Variants in DGKZ observed in about 807,000 individuals in gnomAD.
DGKZ encodes DAG kinase zeta.
In DGKZ, 45 loss-of-function variants were observed where a neutral mutation model predicts 142.5. The observed-to-expected ratio is 0.32, with a 90% CI of 0.25 to 0.40. The LOEUF (loss-of-function observed/expected upper bound fraction) is 0.40, where lower values mean the gene tolerates loss of function less well. DGKZ is among the 10% of genes least tolerant of loss of function. The pLI is 1.00. For synonymous variants in DGKZ, 442 were observed against 527.0 expected, an observed-to-expected ratio of 0.84 and a Z score of 2.21; for missense variants, 755 against 1,306.5, an observed-to-expected ratio of 0.58 and a Z score of 6.51.
chr11:46,369,794 T>C (rs760190097), intron 5 of DGKZ, 147 bp from the exon 6 acceptor site: 7 of 954,540 alleles, frequency 7.3e-6, no homozygotes, highest in Non-Finnish European at 1.1e-5. Flanking sequence ...CCCCAGGCCA[T>C]GAAGAGAGTC....
At chr11:46,371,489 C>T (rs2136481664) in exon 8 of DGKZ, 3 of 1,603,474 alleles carry the variant, frequency 1.9e-6, no homozygotes, top group Middle Eastern at 3.3e-4. Flanking sequence ...CTCCTCAGTA[C>T]CACAGCAAGG....
chr11:46,363,118 A>C (rs1942853677), intron 1 of DGKZ, among the ~76,000 whole-genome samples: 1 of 152,208 alleles, frequency 6.6e-6, no homozygotes, highest in East Asian at 1.9e-4. Context: ...CGAGGTGAGA[A>C]GACACTGTCA....
In DGKZ at chr11:46,372,594, C is replaced by T. The variant is rs1244585199; in HGVS notation, c.1011-23C>T. On this transcript the variant is annotated intron_variant, in intron 11 of 30. Coordinates refer to ENST00000527911, the Ensembl canonical transcript of DGKZ. The surrounding 1 kb of genome is among the most constrained non-coding windows in gnomAD (Gnocchi z 5.9). ...GTACAGCACACATCCCCTGACCCCA[C>T]TGCCATCTTCCCATGAGCCCAGGCT... The T allele has an allele frequency of 4.3e-6, 7 of 1,613,762 alleles. No individual in the cohort carries two copies. Among genetic ancestry groups the T allele is most frequent in the Non-Finnish European group, 5.9e-6 (7 of 1,179,996 alleles).
At chr11:46,346,131 T>G (rs1463697722), upstream of DGKZ, among the ~76,000 whole-genome samples, 1 of 152,192 alleles carries the variant, frequency 6.6e-6, no homozygotes, top group Non-Finnish European at 1.5e-5. Context: ...GAGAGGGTTC[T>G]GGGCCTCGGG....
At chr11:46,351,588 T>G (rs1248883585) in intron 1 of DGKZ, among the ~76,000 whole-genome samples, 1 of 152,186 alleles carries the variant, frequency 6.6e-6, no homozygotes, top group African/African-American at 2.4e-5. Flanking sequence ...CTGTCTATGG[T>G]GCCAGGGTGT....
intron 22 of DGKZ, 24 bp from the exon 23 acceptor site, chr11:46,376,304 C>T (rs1292091535): frequency 6.2e-7 from 1 of 1,613,800 alleles, no homozygotes. Context: ...TCTATCCCAG[C>T]CTGGCCTTTG....
intron 1 of DGKZ, among the ~76,000 whole-genome samples, chr11:46,337,308 T>C (rs1940061557): frequency 7.0e-6 from 1 of 143,364 alleles, no homozygotes; most frequent in Non-Finnish European, 1.5e-5. Context: ...TTTTTTTTTT[T>C]TTTTTGAGAC....
chr11:46,379,749 G>A, intron 30 of DGKZ, 82 bp from the exon 31 acceptor site: 1 of 1,410,158 alleles, frequency 7.1e-7, no homozygotes, highest in Non-Finnish European at 9.6e-7. Context: ...AGGCCACAGG[G>A]AGGTAGAGCC....
chr11:46,358,771 A>G (rs888669956), intron 1 of DGKZ, among the ~76,000 whole-genome samples: 1 of 152,232 alleles, frequency 6.6e-6, no homozygotes, highest in African/African-American at 2.4e-5. Context: ...TTCACTTCCT[A>G]GAGCCTGACG....
At chr11:46,333,032 C>A in exon 1 of DGKZ, 1 of 347,042 alleles carries the variant, frequency 2.9e-6, no homozygotes, top group Non-Finnish European at 5.1e-6. Flanking sequence ...AGCGCAGCAC[C>A]CCGACTCCAG....
At chr11:46,377,867 G>C in intron 25 of DGKZ, 1 of 371,680 alleles carries the variant, frequency 2.7e-6, no homozygotes, top group Non-Finnish European at 4.9e-6. Context: ...ATCTCAGCTT[G>C]GCTGTTTCCT....
chr11:46,336,978 G>A (rs1032505220), intron 1 of DGKZ, among the ~76,000 whole-genome samples: 1 of 152,116 alleles, frequency 6.6e-6, no homozygotes, highest in Non-Finnish European at 1.5e-5. Context: ...CCACAATTGC[G>A]CCACTGCACT....
intron 14 of DGKZ, among the ~76,000 whole-genome samples, chr11:46,373,571 C>T (rs1238557170): frequency 1.3e-5 from 2 of 150,920 alleles, no homozygotes; most frequent in Non-Finnish European, 2.9e-5. Context: ...AGTCTTGGCT[C>T]ACTGCAACCT....
chr11:46,367,526 G>C lies in DGKZ; in HGVS notation c.271-126G>C. 7.7e-7 allele frequency: 1 copy of C among 1,300,850 alleles called. No individual in the cohort carries two copies. Among genetic ancestry groups the C allele is most frequent in the South Asian group, 1.4e-5 (1 of 71,460 alleles). The allele number at this position is 1,300,850 out of a possible 1,614,324, so 80.6% of individuals were successfully genotyped here. On this transcript the variant is annotated intron_variant, in intron 2 of 30. Transcript: ENST00000527911. The surrounding 1 kb of genome is among the most constrained non-coding windows in gnomAD (Gnocchi z 4.1). ...GAAGGGTTGGGACAGTGGGGCAGAC[G>C]GAACAGAGCAGGGTCGATCGGGGCG... is the stretch of plus-strand genomic sequence containing the variant.
At chr11:46,353,422 T>C (rs1941646095) in intron 1 of DGKZ, among the ~76,000 whole-genome samples, 1 of 152,178 alleles carries the variant, frequency 6.6e-6, no homozygotes, top group Non-Finnish European at 1.5e-5. Flanking sequence ...ACCCATGAGA[T>C]AATCTGACCT....
chr11:46,348,668 T>G (rs996739418), intron 1 of DGKZ, among the ~76,000 whole-genome samples: 5 of 151,324 alleles, frequency 3.3e-5, no homozygotes, highest in Non-Finnish European at 5.9e-5. Flanking sequence ...GGGGGGAGAG[T>G]GTGGAAAGAC....
intron 1 of DGKZ, chr11:46,365,265 C>G (rs901043380): frequency 1.0e-6 from 1 of 985,236 alleles, no homozygotes; most frequent in African/African-American, 1.7e-5. Flanking sequence ...GCATCAGGGC[C>G]GCAGAAGAAT....
chr11:46,366,191 A>C, intron 1 of DGKZ: 1 of 1,477,730 alleles, frequency 6.8e-7, no homozygotes, highest in Non-Finnish European at 8.9e-7. Context: ...CGGACACAGG[A>C]CAGACCGTGG....
upstream of DGKZ, among the ~76,000 whole-genome samples, chr11:46,343,164 C>A (rs946022655): frequency 6.6e-6 from 1 of 151,756 alleles, no homozygotes; most frequent in Non-Finnish European, 1.5e-5. Context: ...AGGAAAATAA[C>A]AAGATCTACC....
Sources: allele counts gnomAD v4.1 joint callset (sites outside exome capture counted in the v4.1 genomes callset), GRCh38; gene constraint gnomAD v4.1.1; non-coding constraint Gnocchi (gnomAD v3.1); transcripts MANE v1.5; gene names NCBI Gene and HGNC (gene_info 2026-07-23, HGNC 2026-07-21).